Variants in PDK1 observed in about 807,000 individuals in gnomAD.
PDK1 encodes the protein pyruvate dehydrogenase kinase 1.
PDK1 carries 39 observed loss-of-function variants against 54.2 expected under a neutral mutation model. The ratio of observed to expected loss-of-function variants is 0.72; its 90% CI spans 0.56 to 0.94. PDK1 has a LOEUF of 0.94. Among genes scored for constraint, PDK1 ranks in the 40% least tolerant of loss-of-function variants. PDK1 has a pLI of 0.00. For missense variants in PDK1, 552 were observed against 566.0 expected, an observed-to-expected ratio of 0.98 and a Z score of 0.25; for synonymous variants, 221 against 207.1, an observed-to-expected ratio of 1.07 and a Z score of -0.58.
At position 172,600,848 on chromosome 2, in the gene PDK1, C is replaced by G. The variant is rs925180997; in HGVS notation, c.*4879C>G. 2 of 152,180 alleles carry G rather than the reference C, an allele frequency of 1.3e-5. No individual in the cohort carries two copies. Among genetic ancestry groups the G allele is most frequent in the African/African-American group, 4.8e-5 (2 of 41,440 alleles). 9.4% of individuals were successfully genotyped at this position (152,180 alleles called of 1,614,324 possible). ...TTAGACTCTTATTCTATGTTGTCTT[C>G]GTCCAGCTTATCTGGAAGGGAGAGT... is the stretch of plus-strand genomic sequence containing the variant. On this transcript the variant is annotated 3_prime_UTR_variant, in exon 11 of 11. Transcript: ENST00000282077.
chr2:172,556,384 T>TCCCGGGCGGGGAGCTGCGGCCGCTGC, intron 1 of PDK1, 38 bp downstream of exon 1: 1 of 1,354,392 alleles, frequency 7.4e-7, no homozygotes, highest in Non-Finnish European at 9.6e-7. Context: ...TTTTGCGCGG[T>TCCCGGGCGGGGAGCTGCGGCCGCTGC]CCCGGGCGGG....
the PDK1 span, among the ~76,000 whole-genome samples, chr2:172,648,690 G>A: frequency 2.2e-4 from 33 of 152,156 alleles, no homozygotes; most frequent in South Asian, 3.9e-3. Context: ...ATTATATCCC[G>A]CGCCTGGCTC....
chr2:172,568,458 A>T (rs2290563), intron 6 of PDK1, among the ~76,000 whole-genome samples: 54,659 of 152,012 alleles, frequency 0.36, 12,007 homozygotes, highest in East Asian at 0.78. Flanking sequence ...AAGCGATCTT[A>T]AAAAAGACTT....
chr2:172,562,514 A>C (rs1023758963), intron 3 of PDK1, among the ~76,000 whole-genome samples: 1 of 152,346 alleles, frequency 6.6e-6, no homozygotes, highest in East Asian at 1.9e-4. Flanking sequence ...ATCAGTGGAA[A>C]TGTAGGTGTG....
At position 172,570,839 on chromosome 2, in the gene PDK1, TG is replaced by T; in HGVS notation, c.945+17del. 6.8e-7 allele frequency: 1 copy of T among 1,475,338 alleles called. No homozygotes were observed. Among genetic ancestry groups the T allele is most frequent in the African/African-American group, 1.4e-5 (1 of 70,724 alleles). 91.4% of individuals were successfully genotyped at this position (1,475,338 alleles called of 1,614,324 possible). A position where few individuals can be genotyped will look rare whatever the true frequency, so the allele number is the denominator to read the frequency against. Reference sequence around the variant, plus strand: ...TGACTGTGAAGGTAAATGTGTTTAATGGTTTGTTTTCTTTTTTTTTTTTTTG... The same window carrying T: ...TGACTGTGAAGGTAAATGTGTTTAATGTTTGTTTTCTTTTTTTTTTTTTTG... On this transcript the variant is annotated intron_variant, in intron 8 of 10. Transcript: ENST00000282077.
the PDK1 span, among the ~76,000 whole-genome samples, chr2:172,683,396 A>G: frequency 6.6e-6 from 1 of 151,784 alleles, no homozygotes; most frequent in Non-Finnish European, 1.5e-5. Flanking sequence ...ATTGGCTAAC[A>G]GTTCTGCAGG....
At chr2:172,615,538 G>A in the PDK1 span, among the ~76,000 whole-genome samples, 5 of 151,954 alleles carry the variant, frequency 3.3e-5, no homozygotes, top group Non-Finnish European at 7.4e-5. Flanking sequence ...CAGGAGAATC[G>A]CTTGAACCTG....
At chr2:172,641,248 T>C in the PDK1 span, among the ~76,000 whole-genome samples, 2 of 151,980 alleles carry the variant, frequency 1.3e-5, no homozygotes, top group Admixed American at 6.6e-5. Context: ...CACCTTAGCC[T>C]CCCAAGTTGC....
At chr2:172,648,595 A>T in the PDK1 span, among the ~76,000 whole-genome samples, 1 of 152,184 alleles carries the variant, frequency 6.6e-6, no homozygotes, top group Admixed American at 6.5e-5. Flanking sequence ...AAGGGAAGCC[A>T]TGACAGATGG....
chr2:172,701,865 T>A, the PDK1 span, among the ~76,000 whole-genome samples: 1 of 152,186 alleles, frequency 6.6e-6, no homozygotes, highest in African/African-American at 2.4e-5. Flanking sequence ...CTTACATATG[T>A]CTGTTTTAGC....
rs773713799 is a variant in PDK1 at position 172,586,281 on chromosome 2, A to G, written c.949A>G (p.Ser317Gly). Residue 317 changes from serine to glycine, a missense_variant, in exon 9 of 11, where the codon AGT becomes GGT. Coordinates refer to ENST00000282077, the MANE Select transcript of PDK1 (RefSeq NM_002610.5). ...CACGATCCTTTTCTTACCTTAGATG[A>G]GTGACCGAGGAGGTGGCGTTCCTTT... ...LGNEDLTVKM[S>G]DRGGGVPLRK... The G allele has an allele frequency of 2.4e-5, 39 of 1,601,392 alleles. No individual in the cohort carries two copies. The South Asian group carries it at 4.3e-4, about 18-fold the overall frequency.
chr2:172,611,671 A>G (rs1194531052), downstream of PDK1, among the ~76,000 whole-genome samples: 9 of 152,252 alleles, frequency 5.9e-5, no homozygotes, highest in Admixed American at 5.9e-4. Context: ...GTTAAATCCA[A>G]TAATGTATAA....
At chr2:172,562,935 C>T (rs1553477885) in intron 3 of PDK1, 2 of 729,372 alleles carry the variant, frequency 2.7e-6, no homozygotes, top group Non-Finnish European at 4.4e-6. Flanking sequence ...CAGTTAGTTA[C>T]ACATGTTTTT....
chr2:172,646,169 G>GA, the PDK1 span, among the ~76,000 whole-genome samples: 3 of 152,110 alleles, frequency 2.0e-5, no homozygotes, highest in Admixed American at 1.3e-4. Flanking sequence ...AGACACAACA[G>GA]AAAAAATGAC....
the PDK1 span, among the ~76,000 whole-genome samples, chr2:172,649,837 G>A: frequency 6.6e-6 from 1 of 152,194 alleles, no homozygotes; most frequent in Non-Finnish European, 1.5e-5. Context: ...ATGGGACTAT[G>A]TGAAAAGACC....
the PDK1 span, among the ~76,000 whole-genome samples, chr2:172,692,652 G>C: frequency 6.6e-6 from 1 of 152,202 alleles, no homozygotes; most frequent in Admixed American, 6.5e-5. Flanking sequence ...AGGGTATTGA[G>C]GCATGCAGTG....
chr2:172,625,585 G>T, the PDK1 span, among the ~76,000 whole-genome samples: 1 of 152,060 alleles, frequency 6.6e-6, no homozygotes, highest in Non-Finnish European at 1.5e-5. Flanking sequence ...CATCTTTTGG[G>T]GGCTCTGTGT....
intron 8 of PDK1, among the ~76,000 whole-genome samples, chr2:172,580,636 G>C (rs1173932111): frequency 6.6e-6 from 1 of 152,044 alleles, no homozygotes; most frequent in Admixed American, 6.5e-5. Context: ...AGAATATTTA[G>C]GCAAAACCTT....
At chr2:172,656,181 C>A in the PDK1 span, among the ~76,000 whole-genome samples, 104 of 152,306 alleles carry the variant, frequency 6.8e-4, no homozygotes, top group Non-Finnish European at 1.0e-4. Context: ...GTTTCAGAAT[C>A]TCTAAGTATT....
Sources: gnomAD v4.1 joint callset for allele counts (sites outside exome capture counted in the v4.1 genomes callset) on GRCh38, gnomAD v4.1.1 for gene constraint, MANE v1.5 for transcripts, NCBI Gene and HGNC (gene_info 2026-07-23, HGNC 2026-07-21) for gene names.